Variants in ING5 observed in about 807,000 individuals in gnomAD.
ING5 encodes inhibitor of growth protein 5.
In ING5, 17 loss-of-function variants were observed where a neutral mutation model predicts 37.4. The observed-to-expected ratio is 0.45, with a 90% CI of 0.31 to 0.68. The LOEUF is 0.68. Ranked by LOEUF, ING5 falls within the 30% of genes least tolerant of loss-of-function variation. The pLI, the probability that ING5 is intolerant of heterozygous loss-of-function variation, is 0.05. For missense variants in ING5, 233 were observed against 311.9 expected (o/e 0.75, Z 1.91); for synonymous variants, 123 against 116.6 (o/e 1.06, Z -0.36).
In ING5 at chr2:241,690,279, CCT is replaced by C. The variant is rs2069530616; in HGVS notation, c.-327_-326del. On this transcript the variant is annotated 5_prime_UTR_variant, in exon 2 of 8. Coordinates refer to the ING5 transcript ENST00000636051. ...CTTTTGCCTATTCCAGCATGGTGTACCTCTCTTAGGATACCTTTTAGCACAGG... is the reference window on the plus strand; with the variant it reads ...CTTTTGCCTATTCCAGCATGGTGTACCTCTTAGGATACCTTTTAGCACAGG... 3 of 243,272 alleles carry C rather than the reference CCT, an allele frequency of 1.2e-5. No homozygotes were observed. The South Asian group carries it at 5.3e-4, about 43-fold the overall frequency. The allele number at this position is 243,272 out of a possible 1,614,324, so 15.1% of individuals were successfully genotyped here.
chr2:241,715,279 C>A (rs2070231142), intron 5 of ING5, among the ~76,000 whole-genome samples: 1 of 151,982 alleles, frequency 6.6e-6, no homozygotes, highest in Non-Finnish European at 1.5e-5. Context: ...ACTGCAGCCT[C>A]CACCTCCTGG....
At chr2:241,706,956 A>ATTTTTT (rs35471600) in intron 2 of ING5, among the ~76,000 whole-genome samples, 1 of 120,756 alleles carries the variant, frequency 8.3e-6, no homozygotes, top group Non-Finnish European at 1.7e-5. Context: ...TGGTGTGGCA[A>ATTTTTT]TTTTTTTTTT....
At chr2:241,714,903 T>C (rs1343050760) in intron 5 of ING5, among the ~76,000 whole-genome samples, 1 of 152,188 alleles carries the variant, frequency 6.6e-6, no homozygotes, top group Non-Finnish European at 1.5e-5. Context: ...GCCGTCTTGA[T>C]CTTTTTAGAG....
intron 1 of ING5, among the ~76,000 whole-genome samples, chr2:241,703,365 C>A (rs1303071583): frequency 6.6e-6 from 1 of 152,078 alleles, no homozygotes; most frequent in Non-Finnish European, 1.5e-5. Context: ...GAGGAGGCAG[C>A]CCCCCTTAGG....
intron 7 of ING5, 99 bp from the exon 8 acceptor site, chr2:241,724,890 C>A (rs1462959684): frequency 1.6e-6 from 2 of 1,273,662 alleles, no homozygotes; most frequent in East Asian, 2.3e-5. Context: ...CTCCTGCCGG[C>A]GTCCAGCAGC....
At chr2:241,709,013 C>T (rs994162637) in intron 2 of ING5, 10 of 514,720 alleles carry the variant, frequency 1.9e-5, no homozygotes, top group Admixed American at 7.6e-5. Context: ...GGCACGTTGC[C>T]GTAAAGTCTG....
At position 241,728,358 on chromosome 2, in the gene ING5, C is replaced by T. The variant is rs1261788470; in HGVS notation, c.*3327C>T. Reference sequence around the variant, plus strand: ...CCTCCACAGCTGCCCGGCCCCAGACCCATCTCTTGGATTGAGGGTGTGTGG... The same window carrying T: ...CCTCCACAGCTGCCCGGCCCCAGACTCATCTCTTGGATTGAGGGTGTGTGG... On this transcript the variant is annotated 3_prime_UTR_variant, in exon 8 of 8. Transcript: ENST00000313552. The T allele has an allele frequency of 6.5e-6, 1 of 152,796 alleles. No homozygotes were observed. Among genetic ancestry groups the T allele is most frequent in the Non-Finnish European group, 1.5e-5 (1 of 68,138 alleles). 9.5% of individuals were successfully genotyped at this position (152,796 alleles called of 1,614,324 possible).
rs796656151 is a variant in ING5, at chr2:241,704,586, A to T, written c.38-67A>T. The T allele has an allele frequency of 6.1e-6, 8 of 1,314,154 alleles. No individual in the cohort carries two copies. In the African/African-American group the frequency reaches 1.2e-4, roughly 19 times the overall value. The allele number at this position is 1,314,154 out of a possible 1,614,324, so 81.4% of individuals were successfully genotyped here. A position where few individuals can be genotyped will look rare whatever the true frequency, so the allele number is the denominator to read the frequency against. On this transcript the variant is annotated intron_variant, in intron 1 of 7. Transcript: ENST00000313552. ...TCCATCTCAAAAAAAAAAGACAGAA[A>T]ACCTTTGGAGGTGAATTTTTGTCTT...
At position 241,729,464 on chromosome 2, in the gene ING5, A is replaced by AT. The variant is rs554967938; in HGVS notation, c.*4439dup. On this transcript the variant is annotated 3_prime_UTR_variant, in exon 8 of 8. Transcript: ENST00000313552. ...GGATATATTGTTTAATAAATAAAGT[A>AT]TTTTTTGGAACAAACAATTGAAAGT... The AT allele has an allele frequency of 6.6e-6, 1 of 152,604 alleles. No individual in the cohort carries two copies. The highest frequency in any genetic ancestry group is 2.1e-4 in the South Asian group (1 of 4,834). The allele number at this position is 152,604 out of a possible 1,614,324, so 9.5% of individuals were successfully genotyped here.
chr2:241,700,953 A>C (rs1251500992), upstream of ING5, among the ~76,000 whole-genome samples: 1 of 144,638 alleles, frequency 6.9e-6, no homozygotes, highest in African/African-American at 2.5e-5. Flanking sequence ...ATGTTTCTCC[A>C]GTATTTTTTT....
intron 5 of ING5, among the ~76,000 whole-genome samples, chr2:241,714,164 A>G (rs1287188882): frequency 1.3e-5 from 2 of 152,182 alleles, no homozygotes; most frequent in African/African-American, 4.8e-5. Flanking sequence ...TGTTAAAATC[A>G]TAAACTCCTC....
exon 1 of ING5, chr2:241,687,213 C>G (rs2069449781): frequency 2.5e-6 from 1 of 396,396 alleles, no homozygotes. Flanking sequence ...GCAGCGGGCC[C>G]GACTCTCAGG....
chr2:241,712,005 G>A lies in ING5; in HGVS notation c.416G>A (p.Gly139Glu), dbSNP rs2070125256. ...KKGRGQKEKR[G>E]SRGRGRRTSE... ...GGCCGGGGTCAGAAAGAAAAAAGAG[G>A]GTCCCGGGGCCGAGGCAGGAGGACA... is the stretch of plus-strand genomic sequence containing the variant. Residue 139 changes from glycine (G) to glutamate (E), a missense_variant, in exon 5 of 8, where the codon GGG becomes GAG. Physicochemically the swap from Gly to Glu is moderately conservative, Grantham distance 98. This residue lies in a region of ING5 where 76 missense variants were observed against 68.2 expected (regional missense o/e 1.11). Transcript: ENST00000313552. 2.5e-6 allele frequency: 4 copies of A among 1,610,732 alleles called. No homozygotes were observed. The South Asian group carries it at 4.4e-5, about 18-fold the overall frequency.
At chr2:241,699,693 G>A (rs146912743), upstream of ING5, among the ~76,000 whole-genome samples, 114 of 152,250 alleles carry the variant, frequency 7.5e-4, 4 homozygotes, top group East Asian at 0.019. Context: ...GGGGTGGGGC[G>A]GGGGGTTCTG....
At chr2:241,690,957 G>A (rs2069543761) in intron 2 of ING5, among the ~76,000 whole-genome samples, 1 of 151,270 alleles carries the variant, frequency 6.6e-6, no homozygotes, top group African/African-American at 2.4e-5. Flanking sequence ...ACAGGCGCCC[G>A]CCACAACACC....
intron 5 of ING5, among the ~76,000 whole-genome samples, chr2:241,715,377 G>A (rs1158802111): frequency 2.0e-5 from 3 of 151,058 alleles, no homozygotes; most frequent in East Asian, 3.9e-4. Context: ...TATATTTTTG[G>A]TAGAGATGGA....
At position 241,720,175 on chromosome 2, in the gene ING5, C is replaced by T. The variant is rs988021326; in HGVS notation, c.483-2764C>T. On this transcript the variant is annotated intron_variant, in intron 5 of 7. Coordinates refer to ENST00000313552, the MANE Select transcript of ING5 (RefSeq NM_032329.6). Reference sequence around the variant, plus strand: ...GCCTGCCGGGGCGGGAGTGTGCACTCGGGTGCCTCCAAGGGCATCATCCTG... The same window carrying T: ...GCCTGCCGGGGCGGGAGTGTGCACTTGGGTGCCTCCAAGGGCATCATCCTG... 84 of 1,235,030 alleles carry T rather than the reference C, an allele frequency of 6.8e-5. 1 individual carries two copies. The African/African-American group carries it at 9.9e-4, about 15-fold the overall frequency. 76.5% of individuals were successfully genotyped at this position (1,235,030 alleles called of 1,614,324 possible). A position where few individuals can be genotyped will look rare whatever the true frequency, so the allele number is the denominator to read the frequency against.
At chr2:241,706,750 A>G (rs1373343353) in intron 2 of ING5, among the ~76,000 whole-genome samples, 1 of 152,066 alleles carries the variant, frequency 6.6e-6, no homozygotes, top group Non-Finnish European at 1.5e-5. Context: ...TCCTAGGTTG[A>G]CAATTGTTTT....
intron 5 of ING5, among the ~76,000 whole-genome samples, chr2:241,718,861 A>ACC (rs1364196059): frequency 3.9e-5 from 6 of 152,208 alleles, no homozygotes; most frequent in African/African-American, 1.4e-4. Context: ...GGCATGTGCC[A>ACC]CCATTCCTTG....
Sources: allele counts gnomAD v4.1 joint callset (sites outside exome capture counted in the v4.1 genomes callset), GRCh38; gene constraint gnomAD v4.1.1; regional missense constraint gnomAD v4.1.1; transcripts MANE v1.5; gene names NCBI Gene and HGNC (gene_info 2026-07-23, HGNC 2026-07-21).